ADAM21: variants seen among roughly 807,000 people sequenced by gnomAD.
The protein encoded by ADAM21 is ADAM metallopeptidase domain 21.
For synonymous variants in ADAM21, 262 were observed against 306.0 expected (o/e 0.86, Z 1.50); for missense variants, 678 against 874.4 (o/e 0.78, Z 2.83).
In ADAM21 at chr14:70,457,763, A is replaced by G; in HGVS notation, c.264A>G (p.Pro88=). ...VKKLLVSRHL[P]VFTYTDDRAL... is the part of the protein sequence containing the mutation. ...AGCTCTTAGTTTCTAGACACCTCCC[A>G]GTGTTCACCTACACAGATGACCGTG... Residue 88 remains proline (P), a synonymous_variant, in exon 2 of 2, where the codon CCA becomes CCG. Coordinates refer to ENST00000603540, the MANE Select transcript of ADAM21 (RefSeq NM_003813.4). 6.2e-7 allele frequency: 1 copy of G among 1,613,246 alleles called. No individual in the cohort carries two copies. The highest frequency in any genetic ancestry group is 8.5e-7 in the Non-Finnish European group (1 of 1,179,634).
chr14:70,459,891 C>T lies in ADAM21; in HGVS notation c.*223C>T, dbSNP rs573453048. ...TTTTAAGCAGCAAATAAAGCTACATCCTTCCCTCCCTTTAGTCCTTGTTGT... is the reference window on the plus strand; with the variant it reads ...TTTTAAGCAGCAAATAAAGCTACATTCTTCCCTCCCTTTAGTCCTTGTTGT... On this transcript the variant is annotated 3_prime_UTR_variant, in exon 2 of 2. Transcript: ENST00000603540. 1.8e-6 allele frequency: 1 copy of T among 558,574 alleles called. No individual in the cohort carries two copies. Among genetic ancestry groups the T allele is most frequent in the African/African-American group, 1.9e-5 (1 of 53,070 alleles). The allele number at this position is 558,574 out of a possible 1,614,324, so 34.6% of individuals were successfully genotyped here.
Position 70,458,301 on chromosome 14 carries a change from C to T in ADAM21, c.802C>T (p.Pro268Ser). ...IEIWNQGNVF[P>S]MTSIEQVLND... ...AATTTGGAATCAAGGAAATGTTTTC[C>T]CAATGACAAGCATAGAACAGGTCCT... The change falls in exon 2 of 2, where the codon CCA (proline) becomes TCA (serine). Residue 268 changes from proline (P) to serine (S), a missense_variant. Physicochemically the swap from Pro to Ser is moderately conservative, Grantham distance 74. Transcript: ENST00000603540. The T allele has an allele frequency of 1.9e-6, 3 of 1,613,958 alleles. No homozygotes were observed. Among genetic ancestry groups the T allele is most frequent in the South Asian group, 1.1e-5 (1 of 91,084 alleles).
At position 70,458,832 on chromosome 14, in the gene ADAM21, G is replaced by T; in HGVS notation, c.1333G>T (p.Ala445Ser). 1 of 1,614,190 alleles carries T rather than the reference G, an allele frequency of 6.2e-7. No individual in the cohort carries two copies. The highest frequency in any genetic ancestry group is 8.5e-7 in the Non-Finnish European group (1 of 1,180,026). Reference sequence around the variant, plus strand: ...GAACTGCACTCTAAGGCCTGGGGCTGCCTGTGCTTTTGGGCTTTGTTGCAA... The same window carrying T: ...GAACTGCACTCTAAGGCCTGGGGCTTCCTGTGCTTTTGGGCTTTGTTGCAA... ...LLNCTLRPGA[A>S]CAFGLCCKDC... The change falls in exon 2 of 2, where the codon GCC becomes TCC. Residue 445 changes from alanine (A) to serine (S), a missense_variant. Ala to Ser is a moderately conservative substitution (Grantham distance 99). Transcript: ENST00000603540.
rs777328699 is a variant in ADAM21 at position 70,458,279 on chromosome 14, T to A, written c.780T>A (p.Ile260=). ...ACATAATTTTGATTGGAATTGAAAT[T>A]TGGAATCAAGGAAATGTTTTCCCAA... The part of the protein sequence containing the change: ...GTYIILIGIE[I]WNQGNVFPMT... Residue 260 remains isoleucine, a synonymous_variant, in exon 2 of 2, where the codon ATT becomes ATA. Transcript: ENST00000603540. 6.2e-7 allele frequency: 1 copy of A among 1,614,074 alleles called. No homozygotes were observed. The highest frequency in any genetic ancestry group is 2.2e-5 in the East Asian group (1 of 44,884).
Position 70,458,598 on chromosome 14 carries a change from A to G in ADAM21, c.1099A>G (p.Thr367Ala), listed in dbSNP as rs1362339689. The change falls in exon 2 of 2, where the codon ACT becomes GCT. Residue 367 changes from threonine (T) to alanine (A), a missense_variant. Coordinates refer to ENST00000603540, the MANE Select transcript of ADAM21 (RefSeq NM_003813.4). The stretch of plus-strand genomic sequence containing the variant: ...TGGGGAAAGAGGTTGCATCATGAAT[A>G]CTTTTAGAGTGCCAGCAGAGAAATT... ...FCGERGCIMN[T>A]FRVPAEKFTN... The G allele has an allele frequency of 1.2e-6, 2 of 1,612,708 alleles. No individual in the cohort carries two copies. The highest frequency in any genetic ancestry group is 1.3e-5 in the African/African-American group (1 of 74,626).
rs1882436170 is a variant in ADAM21, at chr14:70,457,560, G to T, written c.61G>T (p.Val21Leu). Residue 21 changes from valine (V) to leucine (L), a missense_variant, in exon 2 of 2, where the codon GTA becomes TTA. By Grantham distance (32) the Val-to-Leu change is conservative. Transcript: ENST00000603540. ...CACTCTTCTGCTGCTCTGGCTTGGG[G>T]TATTTTTGTCTATTTCCGGCTACTG... Reference protein sequence around the residue: ...RVTLLLLWLGVFLSISGYCQA... With the variant: ...RVTLLLLWLGLFLSISGYCQA... 2.5e-6 allele frequency: 4 copies of T among 1,611,738 alleles called. No homozygotes were observed. The highest frequency in any genetic ancestry group is 1.7e-5 in the Admixed American group (1 of 59,756).
At chr14:70,452,530 T>A (rs777153538) in intron 1 of ADAM21, among the ~76,000 whole-genome samples, 11 of 152,166 alleles carry the variant, frequency 7.2e-5, no homozygotes, top group Non-Finnish European at 5.9e-5. Context: ...CACGCCTGGC[T>A]GATTTTTTTG....
At chr14:70,455,405 T>A (rs1241792913) in intron 1 of ADAM21, among the ~76,000 whole-genome samples, 1 of 152,184 alleles carries the variant, frequency 6.6e-6, no homozygotes, top group Non-Finnish European at 1.5e-5. Context: ...TTGGGCCTGA[T>A]GCACGTACAA....
chr14:70,458,948 G>A lies in ADAM21; in HGVS notation c.1449G>A (p.Gln483=), dbSNP rs10148733. The A allele has an allele frequency of 0.042, 67,079 of 1,614,100 alleles. 2,204 individuals are homozygous for A. Among genetic ancestry groups the A allele is most frequent in the African/African-American group, 0.15 (11,244 of 74,998 alleles). Residue 483 remains glutamine, a synonymous_variant, in exon 2 of 2, where the codon CAG becomes CAA. Transcript: ENST00000603540. ...AATGGTGCAATGGAACATCTCATCAGTGTCCAGAAGATAGATATGTGCAGG... is the reference window on the plus strand; with the variant it reads ...AATGGTGCAATGGAACATCTCATCAATGTCCAGAAGATAGATATGTGCAGG... ...LPEWCNGTSH[Q]CPEDRYVQDG...
chr14:70,454,654 A>G (rs1889081455), intron 1 of ADAM21, among the ~76,000 whole-genome samples: 1 of 152,174 alleles, frequency 6.6e-6, no homozygotes, highest in African/African-American at 2.4e-5. Context: ...TTGTGTGTTG[A>G]CAAGGTATAC....
In ADAM21 at chr14:70,459,249, C is replaced by G. The variant is rs1222719309; in HGVS notation, c.1750C>G (p.His584Asp). Residue 584 changes from histidine to aspartate, a missense_variant, in exon 2 of 2, where the codon CAT (histidine) becomes GAT (aspartate). Physicochemically the swap from His to Asp is moderately conservative, Grantham distance 81. Transcript: ENST00000603540. ...AGATCATTTTACTTTGCAGCACACT[C>G]ATATCAATGGTGTCACCTGCTGGGG... ...LQDHFTLQHT[H>D]INGVTCWGID... 12 of 1,614,116 alleles carry G rather than the reference C, an allele frequency of 7.4e-6. No homozygotes were observed. The highest frequency in any genetic ancestry group is 1.0e-5 in the Non-Finnish European group (12 of 1,180,018).
intron 1 of ADAM21, among the ~76,000 whole-genome samples, chr14:70,456,627 C>T (rs1566636333): frequency 6.6e-6 from 1 of 152,128 alleles, no homozygotes; most frequent in Non-Finnish European, 1.5e-5. Context: ...CTCTCCATAC[C>T]CTTAAATGAT....
At chr14:70,454,887 TA>T (rs1177827980) in intron 1 of ADAM21, among the ~76,000 whole-genome samples, 5 of 152,224 alleles carry the variant, frequency 3.3e-5, no homozygotes, top group African/African-American at 1.2e-4. Flanking sequence ...AAGAGACATC[TA>T]AAAATAGTGT....
In ADAM21 at chr14:70,459,740, T is replaced by G; in HGVS notation, c.*72T>G. The stretch of plus-strand genomic sequence containing the variant: ...TCTTGGCAGTAGAAACATTAGTACA[T>G]CCCTGAAACTGAGCACATTTCTGAC... On this transcript the variant is annotated 3_prime_UTR_variant, in exon 2 of 2. Transcript: ENST00000603540. 1 of 1,525,998 alleles carries G rather than the reference T, an allele frequency of 6.6e-7. No homozygotes were observed. The highest frequency in any genetic ancestry group is 8.8e-7 in the Non-Finnish European group (1 of 1,130,122). 94.5% of individuals were successfully genotyped at this position (1,525,998 alleles called of 1,614,324 possible). A position where few individuals can be genotyped will look rare whatever the true frequency, so the allele number is the denominator to read the frequency against.
intron 1 of ADAM21, 148 bp downstream of exon 1, chr14:70,452,411 G>A: frequency 6.5e-6 from 1 of 153,432 alleles, no homozygotes; most frequent in Non-Finnish European, 1.5e-5. Context: ...TGTCGCCCAG[G>A]CTGGAGTGCA....
rs564163786 is a variant in ADAM21, at chr14:70,457,416, T to G, written c.-84T>G. On this transcript the variant is annotated 5_prime_UTR_variant, in exon 2 of 2. Transcript: ENST00000603540. ...GGGTCAGCCCTGCATCCTGAGCAGC[T>G]TAGAGGGAGAAGCCAGACCAGCAGT... 3.1e-6 allele frequency: 5 copies of G among 1,590,014 alleles called. No homozygotes were observed. In the African/African-American group the frequency reaches 4.0e-5, roughly 13 times the overall value.
At chr14:70,455,864 T>G (rs1379627871) in intron 1 of ADAM21, among the ~76,000 whole-genome samples, 9 of 152,190 alleles carry the variant, frequency 5.9e-5, no homozygotes, top group Non-Finnish European at 8.8e-5. Context: ...ATGTATGCGA[T>G]GTAATATTTC....
In ADAM21 at chr14:70,458,724, T is replaced by G; in HGVS notation, c.1225T>G (p.Cys409Gly). 1 of 1,614,078 alleles carries G rather than the reference T, an allele frequency of 6.2e-7. No individual in the cohort carries two copies. Among genetic ancestry groups the G allele is most frequent in the Non-Finnish European group, 8.5e-7 (1 of 1,180,002 alleles). ...GGGGGAAATCTTTATGCTAAAGCGCTGTGGGAATGGTGTGGTTGAAAGAGA... is the reference window on the plus strand; with the variant it reads ...GGGGGAAATCTTTATGCTAAAGCGCGGTGGGAATGGTGTGGTTGAAAGAGA... ...RLGEIFMLKR[C>G]GNGVVEREEQ... Residue 409 changes from cysteine to glycine, a missense_variant, in exon 2 of 2, where the codon TGT becomes GGT. By Grantham distance (159) the Cys-to-Gly change is radical. Transcript: ENST00000603540.
In ADAM21 at chr14:70,459,729, A is replaced by G. The variant is rs548092419; in HGVS notation, c.*61A>G. 3 of 1,558,062 alleles carry G rather than the reference A, an allele frequency of 1.9e-6. No individual in the cohort carries two copies. In the Admixed American group the frequency reaches 5.3e-5, roughly 28 times the overall value. On this transcript the variant is annotated 3_prime_UTR_variant, in exon 2 of 2. Transcript: ENST00000603540. ...ACACTTTAGTCTCTTGGCAGTAGAA[A>G]CATTAGTACATCCCTGAAACTGAGC... is the stretch of plus-strand genomic sequence containing the variant.
Sources: allele counts gnomAD v4.1 joint callset (sites outside exome capture counted in the v4.1 genomes callset), GRCh38; gene constraint gnomAD v4.1.1; transcripts MANE v1.5; gene names NCBI Gene and HGNC (gene_info 2026-07-23, HGNC 2026-07-21).